Variants in TMEM254 observed in about 807,000 individuals in gnomAD.
The protein encoded by TMEM254 is transmembrane protein 254.
TMEM254 carries 16 observed loss-of-function variants against 13.9 expected under a neutral mutation model. The observed-to-expected ratio is 1.15, with a 90% CI of 0.78 to 1.75. The LOEUF (loss-of-function observed/expected upper bound fraction) is 1.75, where lower values mean the gene tolerates loss of function less well. Among genes scored for constraint, TMEM254 ranks in the 40% most tolerant of loss-of-function variants. The probability of loss-of-function intolerance (pLI) is 0.00; values close to 1 mark genes in which losing one functional copy is unlikely to be tolerated. For synonymous variants in TMEM254, 61 were observed against 56.4 expected, an observed-to-expected ratio of 1.08 and a Z score of -0.36; for missense variants, 155 against 149.0, an observed-to-expected ratio of 1.04 and a Z score of -0.21.
Position 80,079,128 on chromosome 10 carries a change from C to G in TMEM254, c.87+342C>G, listed in dbSNP as rs1488978559. 1.4e-5 allele frequency: 18 copies of G among 1,324,502 alleles called. No homozygotes were observed. The South Asian group carries it at 2.1e-4, about 15-fold the overall frequency. 82.0% of individuals were successfully genotyped at this position (1,324,502 alleles called of 1,614,324 possible). A position where few individuals can be genotyped will look rare whatever the true frequency, so the allele number is the denominator to read the frequency against. On this transcript the variant is annotated intron_variant, in intron 1 of 3. Transcript: ENST00000372281. ...CAGCAATGCGGCTACCGCCTATTTC[C>G]GTCCAGCAAGACCCTTGCCCTCTCT...
chr10:80,081,922 C>T lies in TMEM254; in HGVS notation c.169C>T (p.His57Tyr), dbSNP rs149500300. 15 of 1,614,030 alleles carry T rather than the reference C, an allele frequency of 9.3e-6. No individual in the cohort carries two copies. The highest frequency in any genetic ancestry group is 1.2e-5 in the Non-Finnish European group (14 of 1,180,020). ...CTTCACTCAGTACTTGGTGGACCAC[C>T]ATCACACCCTCCTGTGCAATGGGTA... ...GPFTQYLVDH[H>Y]HTLLCNGYWL... The change falls in exon 2 of 4, where the codon CAT becomes TAT. Residue 57 changes from histidine (H) to tyrosine (Y), a missense_variant. Coordinates refer to ENST00000372281, the MANE Select transcript of TMEM254 (RefSeq NM_025125.4).
At chr10:80,082,774 G>C (rs1455938970) in intron 3 of TMEM254, among the ~76,000 whole-genome samples, 1 of 152,124 alleles carries the variant, frequency 6.6e-6, no homozygotes, top group Non-Finnish European at 1.5e-5. Flanking sequence ...TGCTATGTGA[G>C]AATACAAGAA....
chr10:80,079,012 C>A, intron 1 of TMEM254: 1 of 1,532,580 alleles, frequency 6.5e-7, no homozygotes, highest in South Asian at 1.2e-5. Flanking sequence ...ACCGGCTAGC[C>A]AGGCTTTTCT....
intron 1 of TMEM254, among the ~76,000 whole-genome samples, chr10:80,080,773 T>TATAC (rs1843963640): frequency 6.7e-6 from 1 of 150,126 alleles, no homozygotes; most frequent in Non-Finnish European, 1.5e-5. Flanking sequence ...ACCTCATCTC[T>TATAC]ACACACACAC....
At chr10:80,087,790 A>C (rs565227763) in intron 3 of TMEM254, among the ~76,000 whole-genome samples, 2 of 152,304 alleles carry the variant, frequency 1.3e-5, no homozygotes, top group South Asian at 4.1e-4. Flanking sequence ...TACTCTTCAA[A>C]TGGGCTGTCT....
chr10:80,079,131 C>A, intron 1 of TMEM254: 1 of 1,336,842 alleles, frequency 7.5e-7, no homozygotes, highest in South Asian at 1.2e-5. Flanking sequence ...CTATTTCCGT[C>A]CAGCAAGACC....
intron 1 of TMEM254, 132 bp downstream of exon 1, chr10:80,078,918 C>T (rs556801637): frequency 1.1e-4 from 167 of 1,521,690 alleles, no homozygotes; most frequent in Non-Finnish European, 1.4e-4. Context: ...GCGCTAGGAG[C>T]GGAGGGGAGG....
At chr10:80,078,921 A>T in intron 1 of TMEM254, 135 bp downstream of exon 1, 1 of 1,520,260 alleles carries the variant, frequency 6.6e-7, no homozygotes, top group Non-Finnish European at 8.9e-7. Context: ...CTAGGAGCGG[A>T]GGGGAGGGGA....
intron 1 of TMEM254, among the ~76,000 whole-genome samples, chr10:80,081,034 C>T (rs1843988099): frequency 6.6e-6 from 1 of 152,142 alleles, no homozygotes; most frequent in Non-Finnish European, 1.5e-5. Flanking sequence ...GAGCCGAGAT[C>T]GTGCCACTGC....
chr10:80,090,325 C>T (rs1844519226), intron 3 of TMEM254: 1 of 716,312 alleles, frequency 1.4e-6, no homozygotes, highest in African/African-American at 1.7e-5. Flanking sequence ...TGTATTATCC[C>T]ATAAATCATC....
intron 1 of TMEM254, among the ~76,000 whole-genome samples, chr10:80,080,612 TC>T (rs1474293256): frequency 6.6e-6 from 1 of 152,212 alleles, no homozygotes; most frequent in Non-Finnish European, 1.5e-5. Flanking sequence ...TTTGCTAATA[TC>T]TTTTATAAAA....
At chr10:80,089,982 G>A (rs935769064) in intron 3 of TMEM254, among the ~76,000 whole-genome samples, 6 of 148,806 alleles carry the variant, frequency 4.0e-5, no homozygotes, top group African/African-American at 1.5e-4. Flanking sequence ...TCCAGCCTGG[G>A]TGACAGAGCG....
At chr10:80,086,964 T>A (rs867645036) in intron 3 of TMEM254, among the ~76,000 whole-genome samples, 1 of 152,156 alleles carries the variant, frequency 6.6e-6, no homozygotes, top group Non-Finnish European at 1.5e-5. Flanking sequence ...TATGCCTGTT[T>A]TAAATTTTAT....
chr10:80,086,238 G>T, intron 3 of TMEM254: 1 of 1,474,562 alleles, frequency 6.8e-7, no homozygotes, highest in South Asian at 1.4e-5. Flanking sequence ...TAGGCAAAAT[G>T]AGCTAAGAAT....
At chr10:80,089,250 G>T (rs1844459845) in intron 3 of TMEM254, among the ~76,000 whole-genome samples, 1 of 152,112 alleles carries the variant, frequency 6.6e-6, no homozygotes, top group African/African-American at 2.4e-5. Flanking sequence ...AGTGTGCCTT[G>T]TTCTTGACCT....
intron 3 of TMEM254, chr10:80,090,563 C>T (rs991593285): frequency 3.1e-6 from 2 of 641,246 alleles, no homozygotes; most frequent in East Asian, 2.7e-5. Flanking sequence ...GTGCCCTAGA[C>T]AGTAGCCAGA....
chr10:80,079,174 GC>G, intron 1 of TMEM254: 1 of 1,300,404 alleles, frequency 7.7e-7, no homozygotes, highest in Non-Finnish European at 1.0e-6. Flanking sequence ...CTGGGGCTGG[GC>G]TACTTCGCGG....
intron 3 of TMEM254, among the ~76,000 whole-genome samples, chr10:80,085,719 G>A (rs1397538103): frequency 1.3e-5 from 2 of 152,250 alleles, no homozygotes; most frequent in Non-Finnish European, 2.9e-5. Flanking sequence ...TTCTTTGAAA[G>A]GTGCTGTAAT....
At chr10:80,079,856 C>T (rs145602248) in intron 1 of TMEM254, among the ~76,000 whole-genome samples, 21 of 152,228 alleles carry the variant, frequency 1.4e-4, no homozygotes, top group African/African-American at 5.1e-4. Flanking sequence ...TACACTATGC[C>T]CAGCTATTTT....
Sources: gnomAD v4.1 joint callset for allele counts (sites outside exome capture counted in the v4.1 genomes callset) on GRCh38, gnomAD v4.1.1 for gene constraint, MANE v1.5 for transcripts, NCBI Gene and HGNC (gene_info 2026-07-23, HGNC 2026-07-21) for gene names.